NDUFA12: variants seen among roughly 807,000 people sequenced by gnomAD.
The protein encoded by NDUFA12 is NADH dehydrogenase [ubiquinone] 1 alpha subcomplex subunit 12.
A neutral mutation model predicts 20.3 loss-of-function variants in NDUFA12; 17 were observed. That is an observed-to-expected ratio of 0.84 (90% CI 0.57 to 1.26). The LOEUF is 1.26. Ranked by LOEUF, NDUFA12 falls within the 50% of genes most tolerant of loss-of-function variation. The probability of loss-of-function intolerance (pLI) is 0.00; values close to 1 mark genes in which losing one functional copy is unlikely to be tolerated. For missense variants in NDUFA12, 191 were observed against 183.7 expected (o/e 1.04, Z -0.23); for synonymous variants, 72 against 63.6 (o/e 1.13, Z -0.63).
At chr12:94,996,870 T>C in intron 2 of NDUFA12, 1 of 284,672 alleles carries the variant, frequency 3.5e-6, no homozygotes, top group East Asian at 1.2e-4. Context: ...TTATAGTTTG[T>C]AACAATACAG....
intron 3 of NDUFA12, among the ~76,000 whole-genome samples, chr12:94,984,157 T>C (rs148737624): frequency 6.6e-6 from 1 of 152,200 alleles, no homozygotes; most frequent in Non-Finnish European, 1.5e-5. Context: ...GGGAGAAAAC[T>C]GGAGTGTAAA....
intron 3 of NDUFA12, among the ~76,000 whole-genome samples, chr12:94,979,666 A>G (rs565840829): frequency 6.4e-4 from 83 of 129,462 alleles, no homozygotes; most frequent in African/African-American, 2.0e-3. Context: ...CCCCACCCCT[A>G]TAAAAAAAAA....
intron 2 of NDUFA12, among the ~76,000 whole-genome samples, chr12:94,996,174 T>A (rs1874823688): frequency 6.6e-6 from 1 of 151,850 alleles, no homozygotes; most frequent in Admixed American, 6.6e-5. Context: ...CACCACTGCA[T>A]TTCAGGTGGG....
Position 94,996,328 on chromosome 12 carries a change from C to T in NDUFA12, c.170-2071G>A, listed in dbSNP as rs1393031173. On this transcript the variant is annotated intron_variant, in intron 2 of 3. Coordinates refer to ENST00000327772, the MANE Select transcript of NDUFA12 (RefSeq NM_018838.5). ...ATAAATACATACATATATAGGTACA[C>T]ACACACACACACACACACACACACA... Among the ~76,000 whole-genome samples, 336 of 39,982 alleles carry T rather than the reference C, an allele frequency of 8.4e-3. 3 individuals carry two copies. The highest frequency in any genetic ancestry group is 0.052 in the African/African-American group (322 of 6,226). 26.2% of individuals were successfully genotyped at this position (39,982 alleles called of 152,430 possible). A position where few individuals can be genotyped will look rare whatever the true frequency, so the allele number is the denominator to read the frequency against.
chr12:94,988,243 T>C (rs1328384632), intron 3 of NDUFA12, among the ~76,000 whole-genome samples: 2 of 152,158 alleles, frequency 1.3e-5, no homozygotes, highest in Non-Finnish European at 1.5e-5. Flanking sequence ...AGGATAAGGG[T>C]AAAATTTTGC....
intron 3 of NDUFA12, among the ~76,000 whole-genome samples, chr12:94,992,528 T>C (rs1874677418): frequency 6.6e-6 from 1 of 152,222 alleles, no homozygotes; most frequent in Admixed American, 6.5e-5. Flanking sequence ...CATCAAGAGA[T>C]AGGTTCATGT....
chr12:95,000,274 A>T (rs1173500209), intron 2 of NDUFA12, among the ~76,000 whole-genome samples: 1 of 152,192 alleles, frequency 6.6e-6, no homozygotes, highest in African/African-American at 2.4e-5. Flanking sequence ...GAACTAAGCT[A>T]TGAGGATGCC....
intron 3 of NDUFA12, among the ~76,000 whole-genome samples, chr12:94,984,058 G>A (rs554324090): frequency 1.3e-5 from 2 of 152,144 alleles, no homozygotes; most frequent in South Asian, 2.1e-4. Context: ...GGGGAGGGGG[G>A]ATGAGAGGGC....
chr12:94,991,399 T>A (rs1274870170), intron 3 of NDUFA12, among the ~76,000 whole-genome samples: 1 of 152,004 alleles, frequency 6.6e-6, no homozygotes, highest in African/African-American at 2.4e-5. Flanking sequence ...AATGCTGTAT[T>A]TAAAATGTCA....
At chr12:94,989,624 A>C (rs1874569897) in intron 3 of NDUFA12, among the ~76,000 whole-genome samples, 1 of 152,236 alleles carries the variant, frequency 6.6e-6, no homozygotes, top group African/African-American at 2.4e-5. Context: ...CTCAGACCTT[A>C]GGAGGCTCCT....
At chr12:95,002,437 C>CAAAAAAAAAAA (rs71075895) in intron 2 of NDUFA12, among the ~76,000 whole-genome samples, 1 of 63,622 alleles carries the variant, frequency 1.6e-5, no homozygotes, top group Non-Finnish European at 2.8e-5. Context: ...GACTCCATCT[C>CAAAAAAAAAAA]AAAAAAAAAA....
intron 3 of NDUFA12, among the ~76,000 whole-genome samples, chr12:94,993,940 GAAAC>G (rs765844206): frequency 6.6e-6 from 1 of 151,868 alleles, no homozygotes; most frequent in African/African-American, 2.4e-5. Flanking sequence ...TCTCAAAAAA[GAAAC>G]AAACAAACAA....
chr12:95,000,043 C>G (rs116771653), intron 2 of NDUFA12, among the ~76,000 whole-genome samples: 92 of 152,270 alleles, frequency 6.0e-4, no homozygotes, highest in African/African-American at 2.2e-3. Context: ...TATAGCAGCA[C>G]AATTTGTAAT....
chr12:94,999,072 A>C (rs1428422725), intron 2 of NDUFA12, among the ~76,000 whole-genome samples: 3 of 152,156 alleles, frequency 2.0e-5, no homozygotes, highest in African/African-American at 7.2e-5. Flanking sequence ...CACATTACCC[A>C]ACTTCAAATT....
At chr12:94,980,747 A>G (rs1460510816) in intron 3 of NDUFA12, among the ~76,000 whole-genome samples, 1 of 152,180 alleles carries the variant, frequency 6.6e-6, no homozygotes, top group Non-Finnish European at 1.5e-5. Flanking sequence ...AATGAACAGA[A>G]AGTGCCACCA....
At chr12:94,997,184 T>TAC (rs914669109) in intron 2 of NDUFA12, 6 of 201,534 alleles carry the variant, frequency 3.0e-5, no homozygotes, top group East Asian at 1.6e-4. Flanking sequence ...CACTCACACA[T>TAC]ACACACACAC....
At chr12:94,987,881 ATTCCCAC>A (rs1874503270) in intron 3 of NDUFA12, among the ~76,000 whole-genome samples, 2 of 151,924 alleles carry the variant, frequency 1.3e-5, no homozygotes, top group African/African-American at 4.8e-5. Context: ...AGGAGAAAAA[ATTCCCAC>A]ATCAAAGATA....
intron 2 of NDUFA12, among the ~76,000 whole-genome samples, chr12:95,000,998 C>T (rs995280287): frequency 5.3e-5 from 8 of 152,190 alleles, no homozygotes; most frequent in South Asian, 2.1e-4. Flanking sequence ...ATCCAACTTA[C>T]GCACACTAAT....
intron 3 of NDUFA12, among the ~76,000 whole-genome samples, chr12:94,973,691 A>T (rs1287486409): frequency 6.6e-6 from 1 of 152,184 alleles, no homozygotes; most frequent in Non-Finnish European, 1.5e-5. Flanking sequence ...AGAAATGGAA[A>T]ATGCTCCAAA....
Sources: allele counts gnomAD v4.1 joint callset (sites outside exome capture counted in the v4.1 genomes callset), GRCh38; gene constraint gnomAD v4.1.1; transcripts MANE v1.5; gene names NCBI Gene and HGNC (gene_info 2026-07-23, HGNC 2026-07-21).